Variants in EXOC5 observed in about 807,000 individuals in gnomAD.
EXOC5 encodes exocyst complex component 5.
In EXOC5, 17 loss-of-function variants were observed where a neutral mutation model predicts 90.8. The ratio of observed to expected loss-of-function variants is 0.19; its 90% CI spans 0.13 to 0.28. The LOEUF is 0.28. EXOC5 is among the 10% of genes least tolerant of loss of function. The pLI is 1.00. For missense variants in EXOC5, 569 were observed against 830.6 expected (o/e 0.69, Z 3.87); for synonymous variants, 260 against 270.0 (o/e 0.96, Z 0.36).
chr14:57,267,577 A>G (rs1884712312), intron 1 of EXOC5, among the ~76,000 whole-genome samples: 1 of 152,188 alleles, frequency 6.6e-6, no homozygotes, highest in Non-Finnish European at 1.5e-5. Flanking sequence ...ACTCAATGTG[A>G]AACACAAGCA....
At position 57,208,640 on chromosome 14, in the gene EXOC5, C is replaced by G; in HGVS notation, c.2096G>C (p.Arg699Thr). The change falls in exon 18 of 18, where the codon AGA (arginine) becomes ACA (threonine). Residue 699 changes from arginine (R) to threonine (T), a missense_variant. Transcript: ENST00000621441. Reference sequence around the variant, plus strand: ...GAAGTGTCGAGCAAGGCGGGCAGATCTATAATCAGCACGAAGTTGTACGAA... The same window carrying G: ...GAAGTGTCGAGCAAGGCGGGCAGATGTATAATCAGCACGAAGTTGTACGAA... ...HSFVQLRADYRSARLARHFS is the reference protein window; with the variant it reads ...HSFVQLRADYTSARLARHFS The G allele has an allele frequency of 6.2e-7, 1 of 1,609,332 alleles. No individual in the cohort carries two copies. Among genetic ancestry groups the G allele is most frequent in the Non-Finnish European group, 8.5e-7 (1 of 1,177,484 alleles).
intron 1 of EXOC5, among the ~76,000 whole-genome samples, chr14:57,264,418 C>T (rs1438732072): frequency 2.0e-5 from 3 of 152,124 alleles, no homozygotes. Flanking sequence ...AATATTCATA[C>T]TCTAATTTGG....
chr14:57,265,592 G>A (rs1470306990), intron 1 of EXOC5, among the ~76,000 whole-genome samples: 3 of 152,162 alleles, frequency 2.0e-5, no homozygotes, highest in South Asian at 4.2e-4. Context: ...GGGCATGGAG[G>A]CAGGCACCTC....
intron 7 of EXOC5, among the ~76,000 whole-genome samples, chr14:57,234,857 G>A (rs892030933): frequency 6.6e-6 from 1 of 152,030 alleles, no homozygotes; most frequent in African/African-American, 2.4e-5. Flanking sequence ...GAGCCATTGC[G>A]CCTGGCCTTC....
chr14:57,246,970 T>C, intron 2 of EXOC5, 112 bp from the exon 3 acceptor site: 1 of 595,880 alleles, frequency 1.7e-6, no homozygotes, highest in South Asian at 2.7e-5. Flanking sequence ...GAGCTTGAAA[T>C]GATCATGTTA....
chr14:57,248,069 TA>T, intron 1 of EXOC5, among the ~76,000 whole-genome samples: 1 of 151,480 alleles, frequency 6.6e-6, no homozygotes, highest in South Asian at 2.1e-4. Flanking sequence ...AAGATCAAAT[TA>T]TCCTTTTTTA....
intron 12 of EXOC5, among the ~76,000 whole-genome samples, chr14:57,227,359 T>G (rs1200649191): frequency 6.6e-6 from 1 of 152,228 alleles, no homozygotes; most frequent in Non-Finnish European, 1.5e-5. Context: ...CATGTAACTC[T>G]ACTTCACTCA....
chr14:57,210,422 G>GTT (rs1882793116), intron 15 of EXOC5, among the ~76,000 whole-genome samples: 1 of 152,104 alleles, frequency 6.6e-6, no homozygotes, highest in Admixed American at 6.5e-5. Context: ...GACCAGAAGT[G>GTT]TTTTGGATTT....
chr14:57,235,346 C>G (rs1286167194), intron 7 of EXOC5, among the ~76,000 whole-genome samples: 1 of 152,144 alleles, frequency 6.6e-6, no homozygotes, highest in Non-Finnish European at 1.5e-5. Context: ...CATCTACTCT[C>G]TGGTTCCTAT....
At chr14:57,209,875 G>T in intron 16 of EXOC5, 78 bp downstream of exon 16, 1 of 1,227,702 alleles carries the variant, frequency 8.1e-7, no homozygotes, top group East Asian at 2.5e-5. Context: ...AAGTATAAAA[G>T]AAAAAAATCT....
At chr14:57,213,499 C>T (rs147168370) in intron 15 of EXOC5, among the ~76,000 whole-genome samples, 3,805 of 151,738 alleles carry the variant, frequency 0.025, 152 homozygotes, top group African/African-American at 0.087. Context: ...CCTCTGACTG[C>T]CAGGTTCAAG....
rs933718666 is a variant in EXOC5, at chr14:57,248,652, C to T, written c.28-940G>A. On this transcript the variant is annotated intron_variant, in intron 1 of 17. Transcript: ENST00000621441. ...TAATTTACATACTTTTCATACTACC[C>T]TCTTTCATGTAAATGGATACCACAT... is the stretch of plus-strand genomic sequence containing the variant. Among the ~76,000 whole-genome samples, 3 of 152,146 alleles carry T rather than the reference C, an allele frequency of 2.0e-5. No homozygotes were observed. The East Asian group carries it at 5.8e-4, about 29-fold the overall frequency.
Position 57,207,057 on chromosome 14 carries a change from C to A in EXOC5, c.*1552G>T, listed in dbSNP as rs1449573619. On this transcript the variant is annotated 3_prime_UTR_variant, in exon 18 of 18. Transcript: ENST00000621441. ...CCTTGGCTAGAAACAAGACAGCCTT[C>A]TAAAGCTGCCATAATGTCCTAAAAT... is the stretch of plus-strand genomic sequence containing the variant. The A allele has an allele frequency of 6.6e-6, 1 of 152,454 alleles. No homozygotes were observed. Among genetic ancestry groups the A allele is most frequent in the African/African-American group, 2.4e-5 (1 of 41,422 alleles). 9.4% of individuals were successfully genotyped at this position (152,454 alleles called of 1,614,324 possible). A position where few individuals can be genotyped will look rare whatever the true frequency, so the allele number is the denominator to read the frequency against.
Position 57,208,623 on chromosome 14 carries a change from G to A in EXOC5, c.2113C>T (p.Arg705Ter), listed in dbSNP as rs1450931479. Residue 705 changes from arginine (R) to a stop codon, truncating the protein, a stop_gained, in exon 18 of 18, where the codon CGA (arginine) becomes TGA (stop). Transcript: ENST00000621441. LOFTEE classifies it high-confidence loss of function. ...TAAATTCAATCTCAGCTGAAGTGTC[G>A]AGCAAGGCGGGCAGATCTATAATCA... ...RADYRSARLA[R>*]HFS is the part of the protein sequence containing the mutation. The A allele has an allele frequency of 6.2e-7, 1 of 1,601,836 alleles. No individual in the cohort carries two copies. Among genetic ancestry groups the A allele is most frequent in the East Asian group, 2.2e-5 (1 of 44,692 alleles).
intron 1 of EXOC5, among the ~76,000 whole-genome samples, chr14:57,260,594 T>C (rs1884473507): frequency 6.6e-6 from 1 of 152,182 alleles, no homozygotes; most frequent in African/African-American, 2.4e-5. Flanking sequence ...ATATATTATG[T>C]CTATGTCCAA....
intron 4 of EXOC5, 111 bp downstream of exon 4, chr14:57,244,054 G>A: frequency 2.9e-6 from 2 of 686,882 alleles, no homozygotes; most frequent in Non-Finnish European, 5.0e-6. Flanking sequence ...CTTTTAATAA[G>A]TCAGCTACTC....
intron 14 of EXOC5, 118 bp downstream of exon 14, chr14:57,219,204 C>G (rs1039070656): frequency 4.1e-6 from 2 of 484,962 alleles, no homozygotes; most frequent in African/African-American, 2.0e-5. Context: ...TTTCACTTGT[C>G]CAGTTTGACA....
intron 5 of EXOC5, 84 bp from the exon 6 acceptor site, chr14:57,237,450 T>G (rs555776733): frequency 1.2e-6 from 1 of 815,916 alleles, no homozygotes; most frequent in African/African-American, 1.7e-5. Flanking sequence ...AATGGGAAAC[T>G]GGGTGCAGGA....
At chr14:57,262,032 G>C (rs1232682879) in intron 1 of EXOC5, among the ~76,000 whole-genome samples, 1 of 152,042 alleles carries the variant, frequency 6.6e-6, no homozygotes, top group Admixed American at 6.5e-5. Flanking sequence ...GCCCCTTTTT[G>C]TAATCCTCTC....
Sources: allele counts gnomAD v4.1 joint callset (sites outside exome capture counted in the v4.1 genomes callset), GRCh38; gene constraint gnomAD v4.1.1; transcripts MANE v1.5; gene names NCBI Gene and HGNC (gene_info 2026-07-23, HGNC 2026-07-21).